LARP7: variants seen among roughly 807,000 people sequenced by gnomAD.
LARP7 encodes La ribonucleoprotein 7, transcriptional regulator.
LARP7 carries 52 observed loss-of-function variants against 69.3 expected under a neutral mutation model. The ratio of observed to expected loss-of-function variants is 0.75; its 90% CI spans 0.60 to 0.95. The LOEUF (loss-of-function observed/expected upper bound fraction) is 0.95. LARP7 is among the 40% of genes least tolerant of loss of function. The pLI, the probability that LARP7 is intolerant of heterozygous loss-of-function variation, is 0.00. For missense variants in LARP7, 733 were observed against 673.0 expected (o/e 1.09, Z -0.99); for synonymous variants, 254 against 215.9 (o/e 1.18, Z -1.55).
Position 112,648,322 on chromosome 4 carries a change from CA to C in LARP7, c.1142+495del, listed in dbSNP as rs537751343. 50 of 528,980 alleles carry C rather than the reference CA, an allele frequency of 9.5e-5. No individual in the cohort carries two copies. The East Asian group carries it at 2.2e-3, about 24-fold the overall frequency. The allele number at this position is 528,980 out of a possible 1,614,324, so 32.8% of individuals were successfully genotyped here. A position where few individuals can be genotyped will look rare whatever the true frequency, so the allele number is the denominator to read the frequency against. The stretch of plus-strand genomic sequence containing the variant: ...GCTTAGTAACCTTAAAACACAATAA[CA>C]AAAAAATTTTGTAACAAAAGGTGTG... On this transcript the variant is annotated intron_variant, in intron 8 of 12. Transcript: ENST00000344442.
intron 1 of LARP7, among the ~76,000 whole-genome samples, chr4:112,640,899 G>A (rs1373901154): frequency 3.3e-5 from 5 of 152,092 alleles, no homozygotes; most frequent in East Asian, 1.9e-4. Context: ...ATACAGATAC[G>A]GTAAGGAAGG....
chr4:112,652,926 C>T, intron 10 of LARP7, 151 bp from the exon 11 acceptor site: 1 of 441,516 alleles, frequency 2.3e-6, no homozygotes, highest in African/African-American at 2.0e-5. Flanking sequence ...ACATGCTTTA[C>T]AGGAAATATT....
At chr4:112,639,023 A>G (rs868281154) in intron 1 of LARP7, among the ~76,000 whole-genome samples, 2 of 152,210 alleles carry the variant, frequency 1.3e-5, no homozygotes, top group African/African-American at 2.4e-5. Flanking sequence ...TGTGGGATCA[A>G]ACATACCTGG....
chr4:112,643,361 G>C (rs1046124820), intron 1 of LARP7, among the ~76,000 whole-genome samples: 2 of 152,174 alleles, frequency 1.3e-5, no homozygotes, highest in Non-Finnish European at 2.9e-5. Flanking sequence ...TATCTCTGGG[G>C]ATATGTGTTT....
At chr4:112,652,295 C>CG (rs577310885) in intron 10 of LARP7, among the ~76,000 whole-genome samples, 9 of 87,354 alleles carry the variant, frequency 1.0e-4, no homozygotes, top group African/African-American at 4.0e-4. Flanking sequence ...ATAAGATTTC[C>CG]CCCCCCCCCC....
intron 1 of LARP7, among the ~76,000 whole-genome samples, chr4:112,644,135 G>T (rs974174862): frequency 1.3e-5 from 2 of 151,660 alleles, no homozygotes; most frequent in African/African-American, 4.8e-5. Flanking sequence ...CCAGCTACTT[G>T]GGAGACTGAG....
At chr4:112,652,865 T>C (rs2048808001) in intron 10 of LARP7, among the ~76,000 whole-genome samples, 1 of 152,094 alleles carries the variant, frequency 6.6e-6, no homozygotes, top group African/African-American at 2.4e-5. Context: ...TTCAAGAAAA[T>C]AAATGAAAAT....
chr4:112,639,645 T>G (rs1341275202), intron 1 of LARP7, among the ~76,000 whole-genome samples: 5 of 152,000 alleles, frequency 3.3e-5, no homozygotes, highest in African/African-American at 9.7e-5. Context: ...CAAAACCAGG[T>G]CTGTGTTTTA....
At chr4:112,640,849 G>A (rs535414310) in intron 1 of LARP7, among the ~76,000 whole-genome samples, 2 of 152,232 alleles carry the variant, frequency 1.3e-5, no homozygotes, top group South Asian at 4.1e-4. Flanking sequence ...TCTCTAAGAA[G>A]TGACATTTGC....
intron 1 of LARP7, chr4:112,644,418 A>G: frequency 1.9e-6 from 2 of 1,026,672 alleles, no homozygotes; most frequent in Non-Finnish European, 1.3e-6. Context: ...TTTTTATATT[A>G]TTCTAGGATA....
At chr4:112,644,543 T>G in intron 1 of LARP7, 125 bp from the exon 2 acceptor site, 1 of 1,052,308 alleles carries the variant, frequency 9.5e-7, no homozygotes, top group Non-Finnish European at 1.3e-6. Flanking sequence ...TTCTTTCTGT[T>G]TGTCTTCTGA....
intron 10 of LARP7, among the ~76,000 whole-genome samples, chr4:112,650,888 T>G (rs972583542): frequency 5.9e-5 from 9 of 152,178 alleles, no homozygotes; most frequent in Admixed American, 5.2e-4. Context: ...GTGCTGATTA[T>G]CTTTAAAATT....
chr4:112,645,516 A>AT (rs1560924919), intron 2 of LARP7: 1 of 455,958 alleles, frequency 2.2e-6, no homozygotes, highest in Non-Finnish European at 4.4e-6. Flanking sequence ...TTTTTGTTTC[A>AT]TTTTTTTGAG....
intron 1 of LARP7, among the ~76,000 whole-genome samples, chr4:112,643,179 T>A (rs1005117122): frequency 6.6e-6 from 1 of 152,184 alleles, no homozygotes; most frequent in Non-Finnish European, 1.5e-5. Context: ...AAGAAATAAA[T>A]TGCATAGTGG....
At chr4:112,645,577 C>T (rs1437577988) in intron 2 of LARP7, 1 of 456,136 alleles carries the variant, frequency 2.2e-6, no homozygotes, top group Non-Finnish European at 4.4e-6. Context: ...TCCATGTCTG[C>T]TCACTCCAAC....
In LARP7 at chr4:112,647,203, GAAGAAA is replaced by G. The variant is rs745386224; in HGVS notation, c.663_668del (p.Lys224_Lys225del). The stretch of plus-strand genomic sequence containing the variant: ...ATAATGATGGCACTTTTACAGAAGA[GAAGAAA>G]AAGAAAAAGAAGAAGAAAGGCCGAA... On this transcript the variant is annotated inframe_deletion, in exon 7 of 13. Coordinates refer to ENST00000344442, the MANE Select transcript of LARP7 (RefSeq NM_016648.4). 26 of 1,587,380 alleles carry G rather than the reference GAAGAAA, an allele frequency of 1.6e-5. No individual in the cohort carries two copies. The highest frequency in any genetic ancestry group is 1.3e-4 in the Admixed American group (7 of 52,204).
At chr4:112,646,014 G>GT (rs2048200502) in intron 2 of LARP7, among the ~76,000 whole-genome samples, 1 of 150,852 alleles carries the variant, frequency 6.6e-6, no homozygotes, top group African/African-American at 2.4e-5. Flanking sequence ...TGTTTGTTTT[G>GT]TTTGAGTCTC....
chr4:112,652,929 G>T, intron 10 of LARP7, 148 bp from the exon 11 acceptor site: 1 of 445,722 alleles, frequency 2.2e-6, no homozygotes. Context: ...TGCTTTACAG[G>T]AAATATTTGA....
intron 8 of LARP7, chr4:112,648,563 C>G (rs1251524125): frequency 1.9e-6 from 1 of 519,912 alleles, no homozygotes; most frequent in Admixed American, 2.0e-5. Flanking sequence ...GGAGCCCACC[C>G]AACATACAAC....
Sources: allele counts gnomAD v4.1 joint callset (sites outside exome capture counted in the v4.1 genomes callset), GRCh38; gene constraint gnomAD v4.1.1; transcripts MANE v1.5; gene names NCBI Gene and HGNC (gene_info 2026-07-23, HGNC 2026-07-21).